ACTR3: variants seen among roughly 807,000 people sequenced by gnomAD.
ACTR3 encodes actin-related protein 3.
ACTR3 carries 12 observed loss-of-function variants against 56.8 expected under a neutral mutation model. The ratio of observed to expected loss-of-function variants is 0.21; its 90% CI spans 0.14 to 0.34. The LOEUF (loss-of-function observed/expected upper bound fraction) is 0.34. ACTR3 is among the 10% of genes least tolerant of loss of function. ACTR3 has a pLI of 1.00. For missense variants in ACTR3, 282 were observed against 512.5 expected, an observed-to-expected ratio of 0.55 and a Z score of 4.34; for synonymous variants, 162 against 167.4, an observed-to-expected ratio of 0.97 and a Z score of 0.25.
chr2:113,900,886 A>G (rs187750007), intron 1 of ACTR3, among the ~76,000 whole-genome samples: 255 of 152,336 alleles, frequency 1.7e-3, no homozygotes, highest in Non-Finnish European at 3.0e-3. Context: ...TGTCAGGTTA[A>G]ACATTGACTT....
intron 1 of ACTR3, among the ~76,000 whole-genome samples, chr2:113,908,412 G>A (rs368232291): frequency 6.6e-6 from 1 of 151,706 alleles, no homozygotes; most frequent in Non-Finnish European, 1.5e-5. Flanking sequence ...GAATTGGTAG[G>A]TTAATGGAGG....
At chr2:113,941,022 C>T (rs1679915599) in intron 7 of ACTR3, among the ~76,000 whole-genome samples, 1 of 151,920 alleles carries the variant, frequency 6.6e-6, no homozygotes, top group Non-Finnish European at 1.5e-5. Context: ...CTATGTTGCC[C>T]AGGCTGGTCT....
intron 1 of ACTR3, chr2:113,890,603 G>C: frequency 7.6e-7 from 1 of 1,323,224 alleles, no homozygotes; most frequent in Non-Finnish European, 9.6e-7. Context: ...CCCCCACTAC[G>C]GTGGGCAGCG....
intron 1 of ACTR3, among the ~76,000 whole-genome samples, chr2:113,905,464 CAA>C (rs72433119): frequency 5.0e-5 from 6 of 119,158 alleles, no homozygotes; most frequent in African/African-American, 1.2e-4. Flanking sequence ...GACTCCGTCT[CAA>C]AAAAAAAAAA....
chr2:113,919,566 TTTTG>T (rs746735930), intron 3 of ACTR3, among the ~76,000 whole-genome samples: 36 of 152,236 alleles, frequency 2.4e-4, no homozygotes, highest in South Asian at 1.5e-3. Context: ...TATGGGAGGT[TTTTG>T]TTTGTTTGTT....
At chr2:113,900,286 C>T (rs1679077296) in intron 1 of ACTR3, among the ~76,000 whole-genome samples, 1 of 152,086 alleles carries the variant, frequency 6.6e-6, no homozygotes, top group Non-Finnish European at 1.5e-5. Context: ...AGTCACTCTC[C>T]GTTACCTCTA....
intron 1 of ACTR3, among the ~76,000 whole-genome samples, chr2:113,908,065 C>G (rs915525369): frequency 6.8e-6 from 1 of 147,218 alleles, no homozygotes; most frequent in Non-Finnish European, 1.5e-5. Flanking sequence ...TAGAGAGCAA[C>G]AAACATGTAT....
intron 3 of ACTR3, among the ~76,000 whole-genome samples, chr2:113,921,222 C>G (rs1420352232): frequency 6.6e-6 from 1 of 150,954 alleles, no homozygotes; most frequent in Admixed American, 6.6e-5. Context: ...GATGATTAGT[C>G]ATGTTGGACG....
chr2:113,957,953 C>G lies in ACTR3; in HGVS notation c.*498C>G, dbSNP rs1411569610. 6.5e-6 allele frequency: 1 copy of G among 153,186 alleles called. No homozygotes were observed. Among genetic ancestry groups the G allele is most frequent in the Non-Finnish European group, 1.5e-5 (1 of 68,564 alleles). The allele number at this position is 153,186 out of a possible 1,614,324, so 9.5% of individuals were successfully genotyped here. A position where few individuals can be genotyped will look rare whatever the true frequency, so the allele number is the denominator to read the frequency against. On this transcript the variant is annotated 3_prime_UTR_variant, in exon 12 of 12. Transcript: ENST00000263238. ...AGCCTCATGAGACTTGGCATACACA[C>G]TCGTGGGATTCCAGTTATTATGGAG...
intron 5 of ACTR3, among the ~76,000 whole-genome samples, chr2:113,933,439 C>T (rs892012105): frequency 6.6e-6 from 1 of 151,870 alleles, no homozygotes; most frequent in Non-Finnish European, 1.5e-5. Context: ...ACCCAAGAGG[C>T]GGAGATTGCG....
chr2:113,901,504 G>T (rs1198362917), intron 1 of ACTR3, among the ~76,000 whole-genome samples: 1 of 152,124 alleles, frequency 6.6e-6, no homozygotes, highest in Non-Finnish European at 1.5e-5. Context: ...GATTTATTTG[G>T]TAATCATATC....
At chr2:113,910,134 G>A (rs1480335877) in intron 1 of ACTR3, among the ~76,000 whole-genome samples, 2 of 152,128 alleles carry the variant, frequency 1.3e-5, no homozygotes, top group African/African-American at 4.8e-5. Flanking sequence ...CATGATTAGT[G>A]AGTTGGGACT....
At chr2:113,902,671 C>T (rs1679122811) in intron 1 of ACTR3, among the ~76,000 whole-genome samples, 1 of 151,968 alleles carries the variant, frequency 6.6e-6, no homozygotes, top group Non-Finnish European at 1.5e-5. Context: ...GTGATCTTGG[C>T]TCCCTGCAAC....
At chr2:113,890,806 C>T in intron 1 of ACTR3, 1 of 997,872 alleles carries the variant, frequency 1.0e-6, no homozygotes, top group Non-Finnish European at 1.2e-6. Flanking sequence ...GCTGTGACAA[C>T]ATTCTGCCCA....
chr2:113,931,465 A>G, intron 5 of ACTR3, 69 bp downstream of exon 5: 1 of 1,080,326 alleles, frequency 9.3e-7, no homozygotes. Context: ...TGCCTAAAAT[A>G]CGTACTTTTT....
At chr2:113,933,196 A>G (rs1161466399) in intron 5 of ACTR3, among the ~76,000 whole-genome samples, 1 of 152,156 alleles carries the variant, frequency 6.6e-6, no homozygotes. Flanking sequence ...ATATAGTCCT[A>G]AACACATGTT....
chr2:113,922,491 T>C (rs1162545324), intron 3 of ACTR3, among the ~76,000 whole-genome samples: 1 of 152,202 alleles, frequency 6.6e-6, no homozygotes, highest in African/African-American at 2.4e-5. Context: ...CATCTGCTGG[T>C]CATGGATGTG....
chr2:113,896,237 T>C (rs1679005557), intron 1 of ACTR3, among the ~76,000 whole-genome samples: 1 of 152,246 alleles, frequency 6.6e-6, no homozygotes, highest in Non-Finnish European at 1.5e-5. Context: ...AAGGGCACAA[T>C]ATATTTTAAA....
intron 10 of ACTR3, chr2:113,953,222 TAAG>T (rs1394198841): frequency 6.6e-6 from 1 of 152,196 alleles, no homozygotes; most frequent in African/African-American, 2.4e-5. Context: ...CACTTGTAAA[TAAG>T]AAATAAATTT....
Sources: allele counts gnomAD v4.1 joint callset (sites outside exome capture counted in the v4.1 genomes callset), GRCh38; gene constraint gnomAD v4.1.1; transcripts MANE v1.5; gene names NCBI Gene and HGNC (gene_info 2026-07-23, HGNC 2026-07-21).